KDM4C: variants seen among roughly 807,000 people sequenced by gnomAD.
The protein encoded by KDM4C is lysine-specific demethylase 4C.
Under a neutral mutation model 129.3 loss-of-function variants are expected in KDM4C, and 81 were observed. The observed-to-expected ratio is 0.63, with a 90% CI of 0.52 to 0.75. The LOEUF (loss-of-function observed/expected upper bound fraction) is 0.75. Among genes scored for constraint, KDM4C ranks in the 30% least tolerant of loss-of-function variants. The pLI is 0.00. For missense variants in KDM4C, 1,457 were observed against 1,304.0 expected, an observed-to-expected ratio of 1.12 and a Z score of -1.81; for synonymous variants, 573 against 456.1, an observed-to-expected ratio of 1.26 and a Z score of -3.26.
At chr9:6,892,644 A>G (rs1001202939) in intron 7 of KDM4C, among the ~76,000 whole-genome samples, 7 of 152,210 alleles carry the variant, frequency 4.6e-5, no homozygotes, top group South Asian at 2.1e-4. Flanking sequence ...CTCTTTACCA[A>G]CAAGAATTCA....
intron 12 of KDM4C, among the ~76,000 whole-genome samples, chr9:6,995,128 G>GT: frequency 6.7e-6 from 1 of 148,432 alleles, no homozygotes; most frequent in Non-Finnish European, 1.5e-5. Context: ...TAGAGAATGG[G>GT]TTTTTTCCTA....
At chr9:6,800,948 A>G (rs1828832035) in intron 2 of KDM4C, among the ~76,000 whole-genome samples, 2 of 152,162 alleles carry the variant, frequency 1.3e-5, no homozygotes, top group Admixed American at 1.3e-4. Flanking sequence ...TTTTAAACAA[A>G]CATACGTTGG....
intron 6 of KDM4C, 39 bp from the exon 7 acceptor site, chr9:6,887,921 A>T (rs1266974482): frequency 8.5e-7 from 1 of 1,174,364 alleles, no homozygotes; most frequent in Non-Finnish European, 1.3e-6. Context: ...TTTTCTCTTA[A>T]TCGACACAGT....
chr9:7,154,920 T>A (rs1174624937), intron 19 of KDM4C, among the ~76,000 whole-genome samples: 1 of 152,188 alleles, frequency 6.6e-6, no homozygotes, highest in Admixed American at 6.5e-5. Context: ...GAAGATGGAC[T>A]GCTTCAAAGA....
intron 15 of KDM4C, among the ~76,000 whole-genome samples, chr9:7,033,419 G>T (rs1197941855): frequency 6.6e-6 from 1 of 152,150 alleles, no homozygotes; most frequent in African/African-American, 2.4e-5. Context: ...ATCACCTCTT[G>T]CCTCCTGAGG....
intron 3 of KDM4C, among the ~76,000 whole-genome samples, chr9:6,809,098 A>G (rs935398198): frequency 1.6e-4 from 25 of 152,198 alleles, no homozygotes; most frequent in Admixed American, 1.3e-4. Flanking sequence ...GAAGACTCTT[A>G]TTTCTGCATG....
intron 5 of KDM4C, among the ~76,000 whole-genome samples, chr9:6,859,831 C>G (rs1267850378): frequency 6.8e-6 from 1 of 148,066 alleles, no homozygotes; most frequent in African/African-American, 2.5e-5. Context: ...TGCCACTGCA[C>G]TCCAGCCTGG....
chr9:7,077,070 C>T, intron 17 of KDM4C: 1 of 985,486 alleles, frequency 1.0e-6, no homozygotes, highest in Non-Finnish European at 1.2e-6. Flanking sequence ...TAGGTGAAAA[C>T]TATCACTCAT....
At chr9:6,869,205 A>T (rs1268077656) in intron 5 of KDM4C, among the ~76,000 whole-genome samples, 1 of 152,094 alleles carries the variant, frequency 6.6e-6, no homozygotes, top group Non-Finnish European at 1.5e-5. Flanking sequence ...GCCTGCACAT[A>T]TGGTTGCTAG....
intron 15 of KDM4C, among the ~76,000 whole-genome samples, chr9:7,043,683 CTT>C (rs78680077): frequency 6.8e-6 from 1 of 146,100 alleles, no homozygotes. Flanking sequence ...TTGTTTCCTA[CTT>C]TTTTTTTTTC....
intron 8 of KDM4C, among the ~76,000 whole-genome samples, chr9:6,901,311 TC>T (rs1817369399): frequency 6.6e-6 from 1 of 152,174 alleles, no homozygotes; most frequent in South Asian, 2.1e-4. Context: ...TTCCTGCACT[TC>T]CACCCCTGCA....
At chr9:7,102,911 T>C (rs1284930672) in intron 17 of KDM4C, among the ~76,000 whole-genome samples, 1 of 152,194 alleles carries the variant, frequency 6.6e-6, no homozygotes, top group Non-Finnish European at 1.5e-5. Context: ...AGTGAAGTTG[T>C]TTTTCTCTAT....
At chr9:7,092,135 A>T (rs1036540258) in intron 17 of KDM4C, among the ~76,000 whole-genome samples, 10 of 152,058 alleles carry the variant, frequency 6.6e-5, no homozygotes, top group African/African-American at 9.7e-5. Context: ...CTTCTTCTTC[A>T]TCCTTGAAAG....
intron 8 of KDM4C, among the ~76,000 whole-genome samples, chr9:6,919,068 G>A (rs1296525374): frequency 6.6e-6 from 1 of 152,050 alleles, no homozygotes; most frequent in Non-Finnish European, 1.5e-5. Flanking sequence ...GGCCAGACTG[G>A]TCTTGAACTC....
chr9:6,770,918 G>T (rs1434373254), intron 1 of KDM4C, among the ~76,000 whole-genome samples: 2 of 151,238 alleles, frequency 1.3e-5, no homozygotes, highest in Middle Eastern at 3.4e-3. Flanking sequence ...TGGGACTACA[G>T]GTGCATGCCA....
chr9:6,915,572 GATT>G (rs1204728996), intron 8 of KDM4C, among the ~76,000 whole-genome samples: 1 of 152,118 alleles, frequency 6.6e-6, no homozygotes, highest in East Asian at 1.9e-4. Context: ...GGCAAAATTT[GATT>G]ATTTTTAACC....
chr9:6,766,270 C>G (rs1428101310), intron 1 of KDM4C, among the ~76,000 whole-genome samples: 1 of 152,090 alleles, frequency 6.6e-6, no homozygotes, highest in Non-Finnish European at 1.5e-5. Flanking sequence ...TGAGCATTTA[C>G]TTTGAGTGTC....
chr9:6,986,387 T>A lies in KDM4C; in HGVS notation c.1398T>A (p.Thr466=), dbSNP rs760106297. 6.2e-7 allele frequency: 1 copy of A among 1,613,506 alleles called. No individual in the cohort carries two copies. Among genetic ancestry groups the A allele is most frequent in the Admixed American group, 1.7e-5 (1 of 59,988 alleles). ...LSTSVTEDIK[T]EDDKAYAYRS... ...CATCTGTAACAGAAGACATAAAAACTGAGGATGACAAAGCTTATGCATATA... is the reference window on the plus strand; with the variant it reads ...CATCTGTAACAGAAGACATAAAAACAGAGGATGACAAAGCTTATGCATATA... The change falls in exon 11 of 22, where the codon ACT becomes ACA. Residue 466 remains threonine (T), a synonymous_variant. Transcript: ENST00000381309.
At chr9:6,791,269 G>A (rs1313445348) in intron 1 of KDM4C, among the ~76,000 whole-genome samples, 1 of 152,084 alleles carries the variant, frequency 6.6e-6, no homozygotes, top group Non-Finnish European at 1.5e-5. Context: ...GTGCCACCAC[G>A]CCCGGCTAAT....
Sources: allele counts gnomAD v4.1 joint callset (sites outside exome capture counted in the v4.1 genomes callset), GRCh38; gene constraint gnomAD v4.1.1; transcripts MANE v1.5; gene names NCBI Gene and HGNC (gene_info 2026-07-23, HGNC 2026-07-21).